Variants in IL17RD observed in about 807,000 individuals in gnomAD.
The protein encoded by IL17RD is interleukin-17 receptor D.
In IL17RD, 52 loss-of-function variants were observed where a neutral mutation model predicts 80.5. The ratio of observed to expected loss-of-function variants is 0.65; its 90% CI spans 0.52 to 0.81. The LOEUF is 0.81. Among genes scored for constraint, IL17RD ranks in the 40% least tolerant of loss-of-function variants. The probability of loss-of-function intolerance (pLI) is 0.00; values close to 1 mark genes in which losing one functional copy is unlikely to be tolerated. For missense variants in IL17RD, 1,024 were observed against 955.1 expected (o/e 1.07, Z -0.95); for synonymous variants, 416 against 391.8 (o/e 1.06, Z -0.73).
In IL17RD at chr3:57,127,359, AAT is replaced by A. The variant is rs372888872; in HGVS notation, c.127-7048_127-7047del. ...ATAAAAATATATATAAATATATATAAATATAAATATATATATATAAATAAATA... is the reference window on the plus strand; with the variant it reads ...ATAAAAATATATATAAATATATATAAATAAATATATATATATAAATAAATA... On this transcript the variant is annotated intron_variant, in intron 1 of 12. Transcript: ENST00000296318. Among the ~76,000 whole-genome samples, 443 of 73,964 alleles carry A rather than the reference AAT, an allele frequency of 6.0e-3. 20 individuals carry two copies. The highest frequency in any genetic ancestry group is 0.03 in the African/African-American group (424 of 14,260). 48.5% of individuals were successfully genotyped at this position (73,964 alleles called of 152,430 possible).
chr3:57,090,192 C>A lies in IL17RD; in HGVS notation c.*6201G>T, dbSNP rs545985578. 1 of 152,614 alleles carries A rather than the reference C, an allele frequency of 6.6e-6. No homozygotes were observed. The highest frequency in any genetic ancestry group is 6.5e-5 in the Admixed American group (1 of 15,276). 9.5% of individuals were successfully genotyped at this position (152,614 alleles called of 1,614,324 possible). ...ACAAAGGGCAAACTCAAAGATGAAA[C>A]AAAGGCAACGCCATCAATAACCACC... On this transcript the variant is annotated 3_prime_UTR_variant, in exon 13 of 13. Coordinates refer to ENST00000296318, the MANE Select transcript of IL17RD (RefSeq NM_017563.5).
chr3:57,148,818 GT>G (rs1334573118), intron 1 of IL17RD, among the ~76,000 whole-genome samples: 1 of 152,172 alleles, frequency 6.6e-6, no homozygotes, highest in African/African-American at 2.4e-5. Context: ...GGTGGGCCCA[GT>G]GAAGCCCAGA....
intron 10 of IL17RD, 128 bp from the exon 11 acceptor site, chr3:57,101,491 C>T: frequency 1.7e-6 from 1 of 571,542 alleles, no homozygotes; most frequent in Non-Finnish European, 3.1e-6. Context: ...TCCCCAACTC[C>T]ATCAGCCCCC....
At chr3:57,163,521 C>A (rs61515277) in intron 1 of IL17RD, among the ~76,000 whole-genome samples, 6,567 of 151,990 alleles carry the variant, frequency 0.043, 181 homozygotes, top group African/African-American at 0.062. Context: ...AACAGTGAAT[C>A]GGACTGATTT....
Position 57,096,411 on chromosome 3 carries a change from G to A in IL17RD, c.2202C>T (p.His734=), listed in dbSNP as rs1242465048. 4.3e-6 allele frequency: 7 copies of A among 1,613,116 alleles called. No individual in the cohort carries two copies. The Admixed American group carries it at 5.0e-5, about 12-fold the overall frequency. The stretch of plus-strand genomic sequence containing the variant: ...CGTTTTGTTACAAAGGGGCGACCGC[G>A]TGGAGTTCATCAGTGTAGCTGCGGC... ...LGCRSYTDEL[H]AVAPL is the part of the protein sequence containing the mutation. Residue 734 remains histidine, a synonymous_variant, in exon 13 of 13, where the codon CAC becomes CAT. Transcript: ENST00000296318.
chr3:57,157,196 G>C (rs1373373648), intron 1 of IL17RD, among the ~76,000 whole-genome samples: 1 of 152,152 alleles, frequency 6.6e-6, no homozygotes, highest in Non-Finnish European at 1.5e-5. Flanking sequence ...GAGTTCTAAG[G>C]TGGCCTCAAG....
chr3:57,127,412 A>ATATATAT lies in IL17RD; in HGVS notation c.127-7100_127-7099insATATATA, dbSNP rs1246159104. Among the ~76,000 whole-genome samples the ATATATAT allele has an allele frequency of 1.2e-4, 11 of 91,190 alleles. 1 individual carries two copies. Among genetic ancestry groups the ATATATAT allele is most frequent in the African/African-American group, 4.9e-4 (10 of 20,468 alleles). The allele number at this position is 91,190 out of a possible 152,430, so 59.8% of individuals were successfully genotyped here. ...AATAAATAAATATATATATATATAT[A>ATATATAT]TTTTTTTTTTGAGATAAGAGTCTTG... On this transcript the variant is annotated intron_variant, in intron 1 of 12. Transcript: ENST00000296318.
intron 1 of IL17RD, among the ~76,000 whole-genome samples, chr3:57,163,785 C>G (rs6785943): frequency 6.3e-5 from 1 of 15,970 alleles, no homozygotes; most frequent in African/African-American, 1.7e-4. Flanking sequence ...CCTAATGGGG[C>G]GGGGGGGCGG....
chr3:57,114,116 G>A (rs1227256103), intron 3 of IL17RD, among the ~76,000 whole-genome samples: 49 of 151,714 alleles, frequency 3.2e-4, no homozygotes, highest in Non-Finnish European at 1.5e-4. Context: ...ACTGGAAGGC[G>A]GAAGTTGCAG....
At chr3:57,111,059 G>A (rs1325593831) in intron 3 of IL17RD, among the ~76,000 whole-genome samples, 5 of 152,302 alleles carry the variant, frequency 3.3e-5, no homozygotes, top group Non-Finnish European at 5.9e-5. Context: ...GGTCACAAGC[G>A]CCAGCACCGG....
chr3:57,102,396 A>C, intron 10 of IL17RD, 83 bp downstream of exon 10: 1 of 612,130 alleles, frequency 1.6e-6, no homozygotes, highest in Non-Finnish European at 2.7e-6. Flanking sequence ...TGGAGGACCC[A>C]GGTACTCCCA....
chr3:57,098,663 G>C, intron 11 of IL17RD, 125 bp from the exon 12 acceptor site: 1 of 677,728 alleles, frequency 1.5e-6, no homozygotes, highest in Non-Finnish European at 2.6e-6. Context: ...TATTAGCACA[G>C]CTATGTGCAG....
At chr3:57,159,648 G>A (rs553440461) in intron 1 of IL17RD, among the ~76,000 whole-genome samples, 16 of 152,160 alleles carry the variant, frequency 1.1e-4, no homozygotes, top group African/African-American at 3.4e-4. Flanking sequence ...ACAGCCCCCC[G>A]GCTGACTGAG....
At chr3:57,164,845 G>T in intron 1 of IL17RD, 1 of 1,097,948 alleles carries the variant, frequency 9.1e-7, no homozygotes, top group Non-Finnish European at 1.1e-6. Flanking sequence ...CCCGGGCCAA[G>T]AACAAAGGGT....
chr3:57,110,047 A>G, intron 4 of IL17RD, 146 bp downstream of exon 4: 1 of 818,596 alleles, frequency 1.2e-6, no homozygotes, highest in South Asian at 1.8e-5. Context: ...AGCAGGCTCA[A>G]GGTGCTGCTG....
rs115530591 is a variant in IL17RD at position 57,118,440 on chromosome 3, C to A, written c.184+1816G>T. Among the ~76,000 whole-genome samples the A allele has an allele frequency of 8.9e-3, 1,355 of 152,322 alleles. 20 individuals are homozygous for A. Among genetic ancestry groups the A allele is most frequent in the African/African-American group, 0.031 (1,287 of 41,578 alleles). On this transcript the variant is annotated intron_variant, in intron 2 of 12. Coordinates refer to ENST00000296318, the MANE Select transcript of IL17RD (RefSeq NM_017563.5). ...GATTATGCATTGAGAGGCCTCAATG[C>A]AACCTAAGCCCTTTACTTACATTGA...
intron 1 of IL17RD, among the ~76,000 whole-genome samples, chr3:57,134,896 A>C (rs920194584): frequency 2.0e-5 from 3 of 152,158 alleles, no homozygotes; most frequent in Non-Finnish European, 2.9e-5. Context: ...ATTGAGCCCC[A>C]GAGTTTCAGA....
intron 1 of IL17RD, among the ~76,000 whole-genome samples, chr3:57,153,421 T>C (rs1037303907): frequency 6.6e-6 from 1 of 152,224 alleles, no homozygotes; most frequent in Non-Finnish European, 1.5e-5. Context: ...CCAAATTGTG[T>C]ACACAAGTGG....
intron 1 of IL17RD, among the ~76,000 whole-genome samples, chr3:57,163,801 GAAGGGGGT>G (rs2060324683): frequency 3.1e-4 from 20 of 64,110 alleles, no homozygotes; most frequent in African/African-American, 1.2e-3. Flanking sequence ...GGCGGGGGGG[GAAGGGGGT>G]GGCGGGGGCG....
Sources: gnomAD v4.1 joint callset for allele counts (sites outside exome capture counted in the v4.1 genomes callset) on GRCh38, gnomAD v4.1.1 for gene constraint, MANE v1.5 for transcripts, NCBI Gene and HGNC (gene_info 2026-07-23, HGNC 2026-07-21) for gene names.